LSM5: variants seen among roughly 807,000 people sequenced by gnomAD.
LSM5 encodes the protein LSM5 homolog, U6 small nuclear RNA and mRNA degradation associated.
LSM5 carries 8 observed loss-of-function variants against 13.8 expected under a neutral mutation model. That is an observed-to-expected ratio of 0.58 (90% CI 0.34 to 1.04). The LOEUF (loss-of-function observed/expected upper bound fraction) is 1.04. Among genes scored for constraint, LSM5 ranks in the 50% least tolerant of loss-of-function variants. The pLI, the probability that LSM5 is intolerant of heterozygous loss-of-function variation, is 0.03. For synonymous variants in LSM5, 35 were observed against 37.0 expected, an observed-to-expected ratio of 0.95 and a Z score of 0.20; for missense variants, 80 against 108.1, an observed-to-expected ratio of 0.74 and a Z score of 1.15.
chr7:32,488,510 TC>T, intron 3 of LSM5, 114 bp downstream of exon 3: 1 of 752,682 alleles, frequency 1.3e-6, no homozygotes, highest in Non-Finnish European at 2.3e-6. Context: ...AAAACGTCTA[TC>T]TTTAACGTTA....
chr7:32,486,808 C>A lies in LSM5; in HGVS notation c.*453G>T. ...GAAATCAGAAGAAAAATCCTCATTACAAAACAACAGCATTTTAATTGAATT... is the reference window on the plus strand; with the variant it reads ...GAAATCAGAAGAAAAATCCTCATTAAAAAACAACAGCATTTTAATTGAATT... On this transcript the variant is annotated 3_prime_UTR_variant, in exon 5 of 5. Transcript: ENST00000450169. 1 of 177,606 alleles carries A rather than the reference C, an allele frequency of 5.6e-6. No homozygotes were observed. Among genetic ancestry groups the A allele is most frequent in the Non-Finnish European group, 1.2e-5 (1 of 85,412 alleles). 11.0% of individuals were successfully genotyped at this position (177,606 alleles called of 1,614,324 possible). A position where few individuals can be genotyped will look rare whatever the true frequency, so the allele number is the denominator to read the frequency against.
chr7:32,494,934 A>G (rs1786705254), upstream of LSM5: 1 of 152,172 alleles, frequency 6.6e-6, no homozygotes, highest in Non-Finnish European at 1.5e-5. Flanking sequence ...AGAAAGAAAC[A>G]AACAAGAATT....
rs1419477760 is a variant in LSM5 at position 32,489,307 on chromosome 7, G to A, written c.84C>T (p.Ile28=). The change falls in exon 2 of 5, where the codon ATC becomes ATT. Residue 28 remains isoleucine, a synonymous_variant. Coordinates refer to ENST00000450169, the MANE Select transcript of LSM5 (RefSeq NM_012322.3). ...VDKCIGSRIH[I]VMKSDKEIVG... The stretch of plus-strand genomic sequence containing the variant: ...CAATTTCCTTATCACTCTTCATCAC[G>A]ATGTGAATTCTTGATCCTATACATT... 6.2e-7 allele frequency: 1 copy of A among 1,607,712 alleles called. No individual in the cohort carries two copies. The highest frequency in any genetic ancestry group is 8.5e-7 in the Non-Finnish European group (1 of 1,175,680).
chr7:32,494,338 C>A (rs10225502), upstream of LSM5, among the ~76,000 whole-genome samples: 80,938 of 152,158 alleles, frequency 0.53, 22,681 homozygotes, highest in East Asian at 0.67. Context: ...GTTTTCTTAG[C>A]CAATGCCAAT....
chr7:32,494,112 G>A (rs755495869), upstream of LSM5, among the ~76,000 whole-genome samples: 1 of 152,086 alleles, frequency 6.6e-6, no homozygotes, highest in Non-Finnish European at 1.5e-5. Context: ...TGGGATTACA[G>A]GCGTGAGCCA....
At chr7:32,492,182 C>T (rs960843053), upstream of LSM5, among the ~76,000 whole-genome samples, 1 of 152,070 alleles carries the variant, frequency 6.6e-6, no homozygotes, top group African/African-American at 2.4e-5. Flanking sequence ...ACCATACTGA[C>T]AGTATGGGAG....
At chr7:32,492,566 G>A, upstream of LSM5, among the ~76,000 whole-genome samples, 1 of 151,946 alleles carries the variant, frequency 6.6e-6, no homozygotes, top group Non-Finnish European at 1.5e-5. Flanking sequence ...TAGCAATTTT[G>A]AATGCCACTA....
Position 32,487,024 on chromosome 7 carries a change from C to G in LSM5, c.*237G>C, listed in dbSNP as rs917661699. 2 of 550,576 alleles carry G rather than the reference C, an allele frequency of 3.6e-6. No homozygotes were observed. The highest frequency in any genetic ancestry group is 3.9e-5 in the African/African-American group (2 of 51,708). The allele number at this position is 550,576 out of a possible 1,614,324, so 34.1% of individuals were successfully genotyped here. On this transcript the variant is annotated 3_prime_UTR_variant, in exon 5 of 5. Transcript: ENST00000450169. ...CCACTGGCTACTGCAGTAGAATAAA[C>G]AAAATGACAGTTAACCAAAAACACC...
rs1022024583 is a variant in LSM5, at chr7:32,486,092, C to T, written c.*1169G>A. On this transcript the variant is annotated 3_prime_UTR_variant, in exon 5 of 5. Coordinates refer to ENST00000450169, the MANE Select transcript of LSM5 (RefSeq NM_012322.3). ...ATGAAAGACTCCTGGCAAAAATATA[C>T]ATTGGCACAAACTTTTTCTTGGCAA... The T allele has an allele frequency of 1.3e-5, 2 of 151,962 alleles. No individual in the cohort carries two copies. Among genetic ancestry groups the T allele is most frequent in the African/African-American group, 4.8e-5 (2 of 41,350 alleles). The allele number at this position is 151,962 out of a possible 1,614,324, so 9.4% of individuals were successfully genotyped here. A position where few individuals can be genotyped will look rare whatever the true frequency, so the allele number is the denominator to read the frequency against.
upstream of LSM5, among the ~76,000 whole-genome samples, chr7:32,491,015 G>A (rs1008099824): frequency 2.6e-5 from 4 of 152,174 alleles, no homozygotes; most frequent in Admixed American, 6.5e-5. Flanking sequence ...TATTCCAGAA[G>A]TGTAAAATCA....
chr7:32,488,766 C>T, intron 2 of LSM5, 114 bp from the exon 3 acceptor site: 1 of 731,240 alleles, frequency 1.4e-6, no homozygotes, highest in Non-Finnish European at 2.4e-6. Context: ...CTCTGTCATC[C>T]AGGCTTAAGT....
At chr7:32,492,723 AT>A (rs1407272456), upstream of LSM5, among the ~76,000 whole-genome samples, 1 of 152,252 alleles carries the variant, frequency 6.6e-6, no homozygotes, top group East Asian at 1.9e-4. Context: ...GAACAGGCCA[AT>A]TCCAAATGGA....
upstream of LSM5, among the ~76,000 whole-genome samples, chr7:32,493,823 G>GGGATTACC (rs1786653831): frequency 6.6e-6 from 1 of 150,968 alleles, no homozygotes; most frequent in Non-Finnish European, 1.5e-5. Flanking sequence ...TTACCAGCAT[G>GGGATTACC]AGCCACCACG....
chr7:32,485,383 T>G lies in LSM5; in HGVS notation c.*1878A>C, dbSNP rs1786413420. 6.6e-6 allele frequency: 1 copy of G among 152,204 alleles called. No individual in the cohort carries two copies. The highest frequency in any genetic ancestry group is 1.5e-5 in the Non-Finnish European group (1 of 68,030). 9.4% of individuals were successfully genotyped at this position (152,204 alleles called of 1,614,324 possible). ...CAAAGCAAAGGTTTTCCAATCCACG[T>G]GGACCAAATACAAAAACCATAATGG... On this transcript the variant is annotated 3_prime_UTR_variant, in exon 5 of 5. Coordinates refer to ENST00000450169, the MANE Select transcript of LSM5 (RefSeq NM_012322.3).
upstream of LSM5, among the ~76,000 whole-genome samples, chr7:32,494,692 A>C (rs574172084): frequency 1.1e-4 from 16 of 152,368 alleles, no homozygotes; most frequent in African/African-American, 3.8e-4. Flanking sequence ...CAATCAGTAA[A>C]GGAATTAAAA....
upstream of LSM5, chr7:32,490,505 C>G (rs1484024823): frequency 3.0e-6 from 2 of 672,542 alleles, no homozygotes; most frequent in East Asian, 2.7e-5. Flanking sequence ...GTCGCGTTCA[C>G]TGGCTTTTTT....
chr7:32,489,192 G>A, intron 2 of LSM5, 57 bp downstream of exon 2: 1 of 822,298 alleles, frequency 1.2e-6, no homozygotes. Context: ...ATTGTCTATA[G>A]TTCTTATGTT....
At chr7:32,487,952 TCACTGA>T (rs1786486945) in intron 3 of LSM5, 195 bp from the exon 4 acceptor site, 2 of 521,530 alleles carry the variant, frequency 3.8e-6, no homozygotes, top group African/African-American at 3.8e-5. Flanking sequence ...CAGAATGAAC[TCACTGA>T]CACTAAGACC....
rs1487440829 is a variant in LSM5, at chr7:32,485,958, A to C, written c.*1303T>G. On this transcript the variant is annotated 3_prime_UTR_variant, in exon 5 of 5. Transcript: ENST00000450169. The stretch of plus-strand genomic sequence containing the variant: ...GAGACTCTCCAAAAAAAAAAAAAAA[A>C]AAAAAAAAAGGAAAAGAAAACTTTA... The C allele has an allele frequency of 4.6e-5, 7 of 151,882 alleles. 1 individual carries two copies. Among genetic ancestry groups the C allele is most frequent in the East Asian group, 1.9e-4 (1 of 5,180 alleles). 9.4% of individuals were successfully genotyped at this position (151,882 alleles called of 1,614,324 possible). A position where few individuals can be genotyped will look rare whatever the true frequency, so the allele number is the denominator to read the frequency against.
Sources: allele counts gnomAD v4.1 joint callset (sites outside exome capture counted in the v4.1 genomes callset), GRCh38; gene constraint gnomAD v4.1.1; transcripts MANE v1.5; gene names NCBI Gene and HGNC (gene_info 2026-07-23, HGNC 2026-07-21).